The following GPHN variants were observed in gnomAD, a reference collection of about 807,000 sequenced individuals.
The protein encoded by GPHN is gephyrin.
Under a neutral mutation model 95.5 loss-of-function variants are expected in GPHN, and 17 were observed. That is an observed-to-expected ratio of 0.18 (90% CI 0.12 to 0.27). The LOEUF is 0.27. Ranked by LOEUF, GPHN falls within the 10% of genes least tolerant of loss-of-function variation. The pLI is 1.00. For missense variants in GPHN, 660 were observed against 978.1 expected (o/e 0.67, Z 4.34); for synonymous variants, 320 against 322.5 (o/e 0.99, Z 0.08).
chr14:67,097,245 A>G (rs1332541187), intron 12 of GPHN, among the ~76,000 whole-genome samples: 1 of 152,214 alleles, frequency 6.6e-6, no homozygotes, highest in Non-Finnish European at 1.5e-5. Flanking sequence ...CACAGAGAAG[A>G]TGACACTTGA....
At chr14:66,980,903 A>C (rs932603750) in intron 9 of GPHN, among the ~76,000 whole-genome samples, 9 of 152,086 alleles carry the variant, frequency 5.9e-5, no homozygotes, top group African/African-American at 2.2e-4. Flanking sequence ...ACACAAAATT[A>C]GCTGGGTGTG....
chr14:66,615,774 A>G (rs559011672), intron 1 of GPHN, among the ~76,000 whole-genome samples: 2 of 150,630 alleles, frequency 1.3e-5, no homozygotes, highest in African/African-American at 4.9e-5. Flanking sequence ...TGGCATTTTC[A>G]TCATGAAGTC....
At chr14:67,731,337 C>A in the GPHN span, among the ~76,000 whole-genome samples, 66 of 151,536 alleles carry the variant, frequency 4.4e-4, no homozygotes, top group African/African-American at 1.5e-3. Flanking sequence ...GCCTCAGCCT[C>A]CCGAGTAGCT....
chr14:66,614,811 A>G (rs1303682579), intron 1 of GPHN, among the ~76,000 whole-genome samples: 1 of 152,130 alleles, frequency 6.6e-6, no homozygotes, highest in Non-Finnish European at 1.5e-5. Flanking sequence ...ATAGGTATAC[A>G]TGTGCCATGG....
chr14:67,690,237 G>A, the GPHN span: 1 of 1,613,708 alleles, frequency 6.2e-7, no homozygotes, highest in Non-Finnish European at 8.5e-7. Flanking sequence ...CCAGTTCCTG[G>A]GTGAAGAGGA....
chr14:66,656,183 G>A (rs2065296923), intron 1 of GPHN, among the ~76,000 whole-genome samples: 3 of 152,196 alleles, frequency 2.0e-5, no homozygotes, highest in Admixed American at 1.3e-4. Flanking sequence ...TGTAAATTTT[G>A]TGAGTATTTG....
At chr14:67,382,772 T>C in the GPHN span, 1 of 619,748 alleles carries the variant, frequency 1.6e-6, no homozygotes, top group African/African-American at 1.9e-5. Flanking sequence ...ATAAACAATA[T>C]AAATGAGAAG....
At chr14:67,081,365 T>C (rs921775558) in intron 11 of GPHN, among the ~76,000 whole-genome samples, 10 of 150,078 alleles carry the variant, frequency 6.7e-5, no homozygotes, top group African/African-American at 1.5e-4. Flanking sequence ...TCATTGGCGA[T>C]TTTTTTTATA....
At chr14:67,439,087 C>G in the GPHN span, among the ~76,000 whole-genome samples, 1 of 152,138 alleles carries the variant, frequency 6.6e-6, no homozygotes, top group African/African-American at 2.4e-5. Flanking sequence ...ACACAGACTT[C>G]AGGCTGGCCT....
the GPHN span, among the ~76,000 whole-genome samples, chr14:67,469,620 C>T: frequency 0.038 from 5,741 of 151,580 alleles, 127 homozygotes; most frequent in Middle Eastern, 0.061. Flanking sequence ...CATCCTCTTC[C>T]TGGAAGGAGG....
At chr14:66,710,001 A>G (rs1314546177) in intron 2 of GPHN, among the ~76,000 whole-genome samples, 1 of 152,086 alleles carries the variant, frequency 6.6e-6, no homozygotes, top group Non-Finnish European at 1.5e-5. Flanking sequence ...AAGGGAAGTA[A>G]TGGAAAGCTA....
At chr14:66,614,945 T>G (rs1241486856) in intron 1 of GPHN, among the ~76,000 whole-genome samples, 6 of 152,148 alleles carry the variant, frequency 3.9e-5, no homozygotes, top group African/African-American at 1.4e-4. Flanking sequence ...CAACTCCCAC[T>G]TATGAGTGAG....
the GPHN span, among the ~76,000 whole-genome samples, chr14:67,370,423 C>G: frequency 6.6e-6 from 1 of 152,096 alleles, no homozygotes; most frequent in South Asian, 2.1e-4. Context: ...AAGTTAAAAA[C>G]TTGTTTTTTG....
At chr14:66,545,630 C>T (rs548121812) in intron 1 of GPHN, among the ~76,000 whole-genome samples, 2,074 of 106,518 alleles carry the variant, frequency 0.019, 191 homozygotes, top group African/African-American at 0.07. Context: ...ACCTCCCTCC[C>T]GGACAGGGTG....
At chr14:67,330,387 G>T in the GPHN span, among the ~76,000 whole-genome samples, 1 of 150,950 alleles carries the variant, frequency 6.6e-6, no homozygotes. Context: ...TTCTTTAGTT[G>T]CATCCCGTAA....
chr14:66,848,825 A>G (rs1424602991), intron 4 of GPHN, among the ~76,000 whole-genome samples: 1 of 151,960 alleles, frequency 6.6e-6, no homozygotes, highest in African/African-American at 2.4e-5. Flanking sequence ...AATGAAGTTA[A>G]TAAAAACACC....
chr14:67,686,382 T>A, the GPHN span: 1 of 152,190 alleles, frequency 6.6e-6, no homozygotes, highest in East Asian at 1.9e-4. Flanking sequence ...CTCACACCTA[T>A]AAGCCTAGCA....
chr14:67,230,071 A>G, the GPHN span, among the ~76,000 whole-genome samples: 1 of 152,220 alleles, frequency 6.6e-6, no homozygotes, highest in Non-Finnish European at 1.5e-5. Flanking sequence ...TGGCTATAGC[A>G]TCATAGAAAC....
chr14:66,913,614 A>G (rs935702097), intron 5 of GPHN, among the ~76,000 whole-genome samples: 2 of 152,190 alleles, frequency 1.3e-5, no homozygotes, highest in Non-Finnish European at 2.9e-5. Flanking sequence ...TGCTGGGATT[A>G]CAGGCATGAG....
Sources: allele counts gnomAD v4.1 joint callset (sites outside exome capture counted in the v4.1 genomes callset), GRCh38; gene constraint gnomAD v4.1.1; transcripts MANE v1.5; gene names NCBI Gene and HGNC (gene_info 2026-07-23, HGNC 2026-07-21).